The following SPMIP8 variants were observed in gnomAD, a reference collection of about 807,000 sequenced individuals.
SPMIP8 encodes the protein sperm microtubule inner protein 8, also known as testicular tissue protein Li 196.
the SPMIP8 span, among the ~76,000 whole-genome samples, chr16:57,983,557 T>G: frequency 6.6e-6 from 1 of 152,204 alleles, no homozygotes; most frequent in Non-Finnish European, 1.5e-5. Flanking sequence ...AGTTTTATTC[T>G]GTTGCAAAGG....
chr16:57,978,719 G>A, the SPMIP8 span, among the ~76,000 whole-genome samples: 36 of 151,968 alleles, frequency 2.4e-4, no homozygotes, highest in Non-Finnish European at 4.6e-4. Flanking sequence ...AGGCTCAAAT[G>A]ATCCTCCCAT....
At chr16:57,985,045 T>C in the SPMIP8 span, 1 of 1,092,974 alleles carries the variant, frequency 9.1e-7, no homozygotes, top group Non-Finnish European at 1.3e-6. Context: ...GCCGGGGGCT[T>C]TGCCCTGGTG....
the SPMIP8 span, chr16:57,987,372 C>T: frequency 1.8e-5 from 28 of 1,556,378 alleles, no homozygotes; most frequent in Admixed American, 7.8e-5. Flanking sequence ...GAAACCCCCA[C>T]CTCACCCCTA....
At chr16:57,987,490 C>T in the SPMIP8 span, 1 of 1,539,568 alleles carries the variant, frequency 6.5e-7, no homozygotes, top group Non-Finnish European at 8.8e-7. Context: ...CCTGGCCAGA[C>T]AGAGGACTTA....
the SPMIP8 span, chr16:57,985,619 G>T: frequency 6.0e-6 from 9 of 1,509,034 alleles, no homozygotes; most frequent in Non-Finnish European, 8.0e-6. Context: ...CTTTCCTAGC[G>T]CACAGGCAAT....
the SPMIP8 span, chr16:57,985,454 G>T: frequency 6.2e-7 from 1 of 1,613,738 alleles, no homozygotes; most frequent in Admixed American, 1.7e-5. Flanking sequence ...CCGACTCACC[G>T]CGCCCCTATC....
At chr16:57,983,038 A>AT in the SPMIP8 span, among the ~76,000 whole-genome samples, 2 of 152,060 alleles carry the variant, frequency 1.3e-5, no homozygotes, top group South Asian at 2.1e-4. Flanking sequence ...TCAAAAAAAA[A>AT]TTTTTTTTAA....
the SPMIP8 span, chr16:57,984,469 G>A: frequency 2.6e-6 from 4 of 1,541,266 alleles, no homozygotes; most frequent in Non-Finnish European, 2.7e-6. Flanking sequence ...TGCCTGCTTG[G>A]GACTCCCGCT....
chr16:57,981,161 G>C, the SPMIP8 span, among the ~76,000 whole-genome samples: 2 of 151,820 alleles, frequency 1.3e-5, no homozygotes, highest in African/African-American at 4.8e-5. Flanking sequence ...CAAGTGGATC[G>C]CCTGAGGTCA....
chr16:57,985,708 T>TA, the SPMIP8 span, among the ~76,000 whole-genome samples: 1 of 152,162 alleles, frequency 6.6e-6, no homozygotes, highest in African/African-American at 2.4e-5. Flanking sequence ...TGAATACATG[T>TA]GTAATTCCTA....
the SPMIP8 span, chr16:57,985,277 G>A: frequency 6.4e-7 from 1 of 1,556,008 alleles, no homozygotes; most frequent in Non-Finnish European, 8.7e-7. Context: ...GGTAGGGAGC[G>A]CTGCGCGCAG....
the SPMIP8 span, among the ~76,000 whole-genome samples, chr16:57,980,680 T>C: frequency 6.6e-6 from 1 of 152,148 alleles, no homozygotes; most frequent in Admixed American, 6.6e-5. Context: ...TATTTTTGTG[T>C]TTTGCTTTTC....
the SPMIP8 span, among the ~76,000 whole-genome samples, chr16:57,979,052 C>T: frequency 1.3e-5 from 2 of 152,224 alleles, no homozygotes; most frequent in African/African-American, 4.8e-5. Flanking sequence ...AGCCCCCATG[C>T]AGGAGAGGAA....
At chr16:57,985,876 C>T in the SPMIP8 span, 1 of 1,596,230 alleles carries the variant, frequency 6.3e-7, no homozygotes, top group South Asian at 1.1e-5. Context: ...CGCCCCTTCC[C>T]ATCTCGTGCT....
the SPMIP8 span, chr16:57,985,892 G>GC: frequency 6.2e-7 from 1 of 1,609,684 alleles, no homozygotes; most frequent in Non-Finnish European, 8.5e-7. Flanking sequence ...GTGCTCACCC[G>GC]CCCCGTTCTT....
chr16:57,987,201 A>G, the SPMIP8 span: 5 of 461,544 alleles, frequency 1.1e-5, no homozygotes, highest in African/African-American at 1.0e-4. Flanking sequence ...AGGATGAGGC[A>G]CAGTCAAAGG....
At chr16:57,987,407 A>T in the SPMIP8 span, 1 of 1,597,882 alleles carries the variant, frequency 6.3e-7, no homozygotes, top group Non-Finnish European at 8.5e-7. Context: ...CGTGTCAACT[A>T]CCTGACCCCC....
the SPMIP8 span, chr16:57,976,700 C>A: frequency 6.3e-7 from 1 of 1,587,954 alleles, no homozygotes; most frequent in South Asian, 1.1e-5. Context: ...CTGTCCCTCC[C>A]CAGGCAGTCA....
chr16:57,977,955 C>T, the SPMIP8 span: 2 of 1,614,162 alleles, frequency 1.2e-6, no homozygotes, highest in Non-Finnish European at 1.7e-6. Context: ...CCCAGCCCTG[C>T]CCACCCTGCG....
Sources: allele counts gnomAD v4.1 joint callset (sites outside exome capture counted in the v4.1 genomes callset), GRCh38; gene constraint gnomAD v4.1.1; transcripts MANE v1.5; gene names NCBI Gene and HGNC (gene_info 2026-07-23, HGNC 2026-07-21).